The following ARHGAP42 variants were observed in gnomAD, a reference collection of about 807,000 sequenced individuals.
ARHGAP42 encodes the protein Rho GTPase activating protein 42, also known as rho GTPase-activating protein 42.
ARHGAP42 carries 63 observed loss-of-function variants against 125.0 expected under a neutral mutation model. The ratio of observed to expected loss-of-function variants is 0.50; its 90% CI spans 0.41 to 0.62. The LOEUF is 0.62. Among genes scored for constraint, ARHGAP42 ranks in the 20% least tolerant of loss-of-function variants. The probability of loss-of-function intolerance (pLI) is 0.00; values close to 1 mark genes in which losing one functional copy is unlikely to be tolerated. For synonymous variants in ARHGAP42, 339 were observed against 351.0 expected (o/e 0.97, Z 0.38); for missense variants, 766 against 1,024.2 (o/e 0.75, Z 3.44).
intron 1 of ARHGAP42, among the ~76,000 whole-genome samples, chr11:100,753,538 CCA>C (rs2120353681): frequency 6.6e-6 from 1 of 152,280 alleles, no homozygotes; most frequent in East Asian, 1.9e-4. Flanking sequence ...GAGTTTGTCC[CCA>C]CTTGAGATTA....
chr11:100,701,614 C>T (rs375711482), intron 1 of ARHGAP42, among the ~76,000 whole-genome samples: 152 of 152,288 alleles, frequency 1.0e-3, no homozygotes, highest in African/African-American at 3.4e-3. Flanking sequence ...AACCAACCTC[C>T]GCTCACTTCA....
At chr11:100,752,119 T>A (rs1275741828) in intron 1 of ARHGAP42, among the ~76,000 whole-genome samples, 1 of 152,068 alleles carries the variant, frequency 6.6e-6, no homozygotes, top group East Asian at 1.9e-4. Flanking sequence ...ATGTTGATGT[T>A]CCAACCAGAG....
chr11:100,695,150 C>G (rs115101799), intron 1 of ARHGAP42, among the ~76,000 whole-genome samples: 3 of 152,174 alleles, frequency 2.0e-5, no homozygotes, highest in Non-Finnish European at 4.4e-5. Context: ...TTTGTATAAG[C>G]GTAGCAACTT....
At chr11:100,752,860 G>A (rs540084034) in intron 1 of ARHGAP42, among the ~76,000 whole-genome samples, 6 of 152,318 alleles carry the variant, frequency 3.9e-5, no homozygotes, top group Non-Finnish European at 8.8e-5. Context: ...TCCTTCCTGG[G>A]TGCAGTGTTA....
At chr11:100,722,286 T>G (rs1861773168) in intron 1 of ARHGAP42, among the ~76,000 whole-genome samples, 1 of 152,220 alleles carries the variant, frequency 6.6e-6, no homozygotes, top group African/African-American at 2.4e-5. Context: ...TTTTTATATC[T>G]GGGTTGTTGT....
At chr11:100,865,046 T>G (rs1865536328) in intron 4 of ARHGAP42, among the ~76,000 whole-genome samples, 1 of 152,158 alleles carries the variant, frequency 6.6e-6, no homozygotes, top group Non-Finnish European at 1.5e-5. Context: ...ATATGAACAT[T>G]CTTCTGTGGT....
intron 4 of ARHGAP42, among the ~76,000 whole-genome samples, chr11:100,909,470 G>C (rs972177501): frequency 6.6e-6 from 1 of 150,954 alleles, no homozygotes; most frequent in Non-Finnish European, 1.5e-5. Context: ...TCAGCCTCCC[G>C]AATAGCTGGA....
At chr11:100,918,826 T>C (rs1867154649) in intron 5 of ARHGAP42, among the ~76,000 whole-genome samples, 1 of 152,186 alleles carries the variant, frequency 6.6e-6, no homozygotes, top group Non-Finnish European at 1.5e-5. Flanking sequence ...AAGAGTCATT[T>C]CTCTTTCATC....
intron 2 of ARHGAP42, among the ~76,000 whole-genome samples, chr11:100,788,916 A>G (rs1397982006): frequency 6.6e-6 from 1 of 152,164 alleles, no homozygotes; most frequent in African/African-American, 2.4e-5. Context: ...TCTCAGTGGA[A>G]GTTCCAAGCA....
At chr11:100,932,176 T>C (rs779222609) in intron 6 of ARHGAP42, among the ~76,000 whole-genome samples, 2 of 152,202 alleles carry the variant, frequency 1.3e-5, no homozygotes, top group Admixed American at 6.5e-5. Context: ...AACCAGTTGA[T>C]GCTTAGCTGA....
At chr11:100,905,669 A>G (rs1011141046) in intron 4 of ARHGAP42, among the ~76,000 whole-genome samples, 1 of 152,244 alleles carries the variant, frequency 6.6e-6, no homozygotes, top group East Asian at 1.9e-4. Context: ...TCCAAGTACA[A>G]GGATATAATT....
chr11:100,812,051 T>A (rs1864157035), intron 3 of ARHGAP42, among the ~76,000 whole-genome samples: 1 of 152,184 alleles, frequency 6.6e-6, no homozygotes, highest in South Asian at 2.1e-4. Flanking sequence ...TCCTCCCACC[T>A]AGGCCTCCCA....
chr11:100,985,052 A>G (rs193173008), intron 22 of ARHGAP42, among the ~76,000 whole-genome samples: 206 of 152,292 alleles, frequency 1.4e-3, no homozygotes, highest in Non-Finnish European at 2.1e-3. Flanking sequence ...ATTTAACAAT[A>G]TGTATGTCTT....
At chr11:100,710,546 T>TG (rs1193864806) in intron 1 of ARHGAP42, among the ~76,000 whole-genome samples, 1 of 129,178 alleles carries the variant, frequency 7.7e-6, no homozygotes, top group African/African-American at 3.2e-5. Flanking sequence ...CAGTTTTTTT[T>TG]TTTTTTTTTT....
chr11:100,805,796 A>T (rs1863974337), intron 3 of ARHGAP42, among the ~76,000 whole-genome samples: 1 of 152,140 alleles, frequency 6.6e-6, no homozygotes, highest in African/African-American at 2.4e-5. Context: ...TGCTGGTGGG[A>T]GTGCCTTTTA....
chr11:100,741,752 T>C (rs1217623333), intron 1 of ARHGAP42, among the ~76,000 whole-genome samples: 1 of 152,190 alleles, frequency 6.6e-6, no homozygotes, highest in Non-Finnish European at 1.5e-5. Flanking sequence ...AAAGCAGAAA[T>C]GAATTTTGGT....
chr11:100,716,847 T>C (rs1378366073), intron 1 of ARHGAP42, among the ~76,000 whole-genome samples: 2 of 152,094 alleles, frequency 1.3e-5, no homozygotes, highest in Non-Finnish European at 2.9e-5. Context: ...AATGAATGCA[T>C]TGGGTGGAGC....
intron 12 of ARHGAP42, among the ~76,000 whole-genome samples, chr11:100,951,833 A>T (rs2135286061): frequency 6.6e-6 from 1 of 152,242 alleles, no homozygotes; most frequent in East Asian, 1.9e-4. Flanking sequence ...ATCATGTCTC[A>T]CACTCTGGCT....
chr11:100,868,356 T>A (rs1865621546), intron 4 of ARHGAP42, among the ~76,000 whole-genome samples: 2 of 151,698 alleles, frequency 1.3e-5, no homozygotes, highest in Admixed American at 1.3e-4. Context: ...CTTTATTTGA[T>A]CATCTTTTTT....
Sources: allele counts gnomAD v4.1 joint callset (sites outside exome capture counted in the v4.1 genomes callset), GRCh38; gene constraint gnomAD v4.1.1; transcripts MANE v1.5; gene names NCBI Gene and HGNC (gene_info 2026-07-23, HGNC 2026-07-21).